DOCK5: variants seen among roughly 807,000 people sequenced by gnomAD.
DOCK5 encodes the protein dedicator of cytokinesis protein 5.
In DOCK5, 142 loss-of-function variants were observed where a neutral mutation model predicts 251.8. The observed-to-expected ratio is 0.56, with a 90% confidence interval of 0.49 to 0.65. DOCK5 has a LOEUF of 0.65. DOCK5 is among the 30% of genes least tolerant of loss of function. DOCK5 has a pLI of 0.00. For synonymous variants in DOCK5, 842 were observed against 835.5 expected (o/e 1.01, Z -0.13); for missense variants, 2,111 against 2,312.3 (o/e 0.91, Z 1.79).
intron 1 of DOCK5, among the ~76,000 whole-genome samples, chr8:25,236,912 G>A (rs1186384557): frequency 3.9e-5 from 6 of 152,052 alleles, no homozygotes; most frequent in Admixed American, 3.9e-4. Context: ...GTCATCTTTG[G>A]AATATTATGA....
At chr8:25,341,863 G>C (rs949422895) in intron 24 of DOCK5, 54 bp downstream of exon 24, 2 of 1,434,634 alleles carry the variant, frequency 1.4e-6, no homozygotes, top group African/African-American at 2.9e-5. Context: ...CAGCTCCCCT[G>C]CTTGGCTGGA....
At chr8:25,368,788 C>A (rs1800823053) in intron 33 of DOCK5, 63 bp downstream of exon 33, 3 of 1,495,522 alleles carry the variant, frequency 2.0e-6, no homozygotes, top group African/African-American at 1.4e-5. Context: ...TAACTCATTT[C>A]TTTCTATATA....
intron 1 of DOCK5, among the ~76,000 whole-genome samples, chr8:25,210,742 C>T (rs1023976422): frequency 1.4e-5 from 1 of 70,028 alleles, no homozygotes; most frequent in African/African-American, 3.2e-5. Context: ...CCAGCCTAGG[C>T]GACAGATCAA....
At chr8:25,408,280 TG>T in intron 49 of DOCK5, 126 bp downstream of exon 49, 1 of 1,050,010 alleles carries the variant, frequency 9.5e-7, no homozygotes, top group Non-Finnish European at 1.4e-6. Context: ...CTCAGCAGCC[TG>T]GGTTAGTGTC....
At chr8:25,199,834 G>A (rs949994365) in intron 1 of DOCK5, among the ~76,000 whole-genome samples, 92 of 113,278 alleles carry the variant, frequency 8.1e-4, no homozygotes, top group African/African-American at 4.7e-3. Flanking sequence ...AACCAGAGGT[G>A]CTGGTGCTGG....
At chr8:25,214,864 C>G (rs988871860) in intron 1 of DOCK5, among the ~76,000 whole-genome samples, 3 of 152,168 alleles carry the variant, frequency 2.0e-5, no homozygotes, top group African/African-American at 7.2e-5. Context: ...CACAGAGGAC[C>G]AGATGGGATG....
chr8:25,314,847 A>G (rs1805200571), intron 13 of DOCK5, among the ~76,000 whole-genome samples: 1 of 150,466 alleles, frequency 6.6e-6, no homozygotes, highest in Non-Finnish European at 1.5e-5. Flanking sequence ...ACTCACATAA[A>G]TTAGTAGATA....
chr8:25,247,547 A>T (rs1169388093), intron 2 of DOCK5, among the ~76,000 whole-genome samples: 1 of 151,906 alleles, frequency 6.6e-6, no homozygotes, highest in Admixed American at 6.6e-5. Flanking sequence ...CAGTGAGCTG[A>T]CTACACCACT....
At chr8:25,369,060 T>C (rs141233947) in intron 33 of DOCK5, among the ~76,000 whole-genome samples, 5 of 152,376 alleles carry the variant, frequency 3.3e-5, no homozygotes, top group African/African-American at 1.2e-4. Context: ...TCTATTATAG[T>C]ACGGCTGAAA....
intron 2 of DOCK5, among the ~76,000 whole-genome samples, chr8:25,261,561 T>C (rs1414904601): frequency 6.6e-6 from 1 of 152,210 alleles, no homozygotes. Context: ...GTGGTTACTT[T>C]ATAGAGTAAT....
At chr8:25,361,844 T>C (rs1277838564) in intron 28 of DOCK5, among the ~76,000 whole-genome samples, 1 of 152,154 alleles carries the variant, frequency 6.6e-6, no homozygotes, top group Non-Finnish European at 1.5e-5. Context: ...CAGAAAAATA[T>C]GGTTAGCAAT....
chr8:25,397,704 AT>A (rs1377762020), intron 45 of DOCK5, among the ~76,000 whole-genome samples: 6 of 152,140 alleles, frequency 3.9e-5, no homozygotes, highest in Non-Finnish European at 8.8e-5. Context: ...CCAAGTATTA[AT>A]TTTTACAGAA....
intron 1 of DOCK5, among the ~76,000 whole-genome samples, chr8:25,221,871 A>G (rs1175800512): frequency 6.6e-6 from 1 of 152,138 alleles, no homozygotes; most frequent in Non-Finnish European, 1.5e-5. Context: ...TGGAGCTGGG[A>G]CTTATATCCA....
intron 29 of DOCK5, among the ~76,000 whole-genome samples, chr8:25,364,274 A>G (rs1039006527): frequency 1.4e-4 from 21 of 152,212 alleles, no homozygotes; most frequent in Non-Finnish European, 1.9e-4. Context: ...TGTACAGATT[A>G]GATTTAAAAA....
At chr8:25,256,519 A>G (rs1476986052) in intron 2 of DOCK5, among the ~76,000 whole-genome samples, 1 of 151,808 alleles carries the variant, frequency 6.6e-6, no homozygotes, top group Non-Finnish European at 1.5e-5. Context: ...TGTGCCTGTA[A>G]TCCTAACTAC....
chr8:25,335,989 G>A lies in DOCK5; in HGVS notation c.2193-250G>A, dbSNP rs1032702349. Among the ~76,000 whole-genome samples the A allele has an allele frequency of 7.9e-5, 12 of 152,022 alleles. 1 individual carries two copies. Among genetic ancestry groups the A allele is most frequent in the Non-Finnish European group, 1.3e-4 (9 of 68,014 alleles). On this transcript the variant is annotated intron_variant, in intron 21 of 51. Coordinates refer to ENST00000276440, the MANE Select transcript of DOCK5 (RefSeq NM_024940.8). ...CAACCATTTCATTTCATAACCCTCC[G>A]GTTTAATCCCACAAAGGGAAAGAAA...
Position 25,363,066 on chromosome 8 carries a change from T to G in DOCK5, c.2969T>G (p.Phe990Cys). Residue 990 changes from phenylalanine (F) to cysteine (C), a missense_variant, in exon 29 of 52, where the codon TTT becomes TGT. Physicochemically the swap from Phe to Cys is radical, Grantham distance 205. This residue lies in a region of DOCK5 where 1,717 missense variants were observed against 1,892.4 expected (regional missense o/e 0.91). Transcript: ENST00000276440. Reference protein sequence around the residue: ...QDIIDFLMETFIMFKDLIGKN... With the variant: ...QDIIDFLMETCIMFKDLIGKN... ...CCGCAGGACTTCCTCATGGAAACTT[T>G]TATCATGTTCAAGGACCTGATTGGA... The G allele has an allele frequency of 6.2e-7, 1 of 1,614,004 alleles. No homozygotes were observed. Among genetic ancestry groups the G allele is most frequent in the Non-Finnish European group, 8.5e-7 (1 of 1,179,864 alleles).
At chr8:25,199,702 T>C (rs1353748232) in intron 1 of DOCK5, among the ~76,000 whole-genome samples, 1 of 152,202 alleles carries the variant, frequency 6.6e-6, no homozygotes, top group African/African-American at 2.4e-5. Context: ...TCTATTTTCT[T>C]TGCTGGGAGT....
rs1431906019 is a variant in DOCK5 at position 25,364,648 on chromosome 8, C to T, written c.3067C>T (p.Gln1023Ter). 1.2e-6 allele frequency: 2 copies of T among 1,601,342 alleles called. No homozygotes were observed. The highest frequency in any genetic ancestry group is 1.7e-5 in the Admixed American group (1 of 58,768). ...QNRVFLRAINQFAEVLTRFFM... is the reference protein window; with the variant it reads ...QNRVFLRAIN The stretch of plus-strand genomic sequence containing the variant: ...CAGGGTTTTTCTCCGTGCTATAAAT[C>T]AGTTTGCTGAAGTTCTCACAAGATT... Residue 1023 changes from glutamine to a stop codon, truncating the protein, a stop_gained, in exon 30 of 52, where the codon CAG (glutamine) becomes TAG (stop). Coordinates refer to ENST00000276440, the MANE Select transcript of DOCK5 (RefSeq NM_024940.8). LOFTEE classifies it high-confidence loss of function.
Sources: gnomAD v4.1 joint callset for allele counts (sites outside exome capture counted in the v4.1 genomes callset) on GRCh38, gnomAD v4.1.1 for gene constraint, gnomAD v4.1.1 regional missense constraint, MANE v1.5 for transcripts, NCBI Gene and HGNC (gene_info 2026-07-23, HGNC 2026-07-21) for gene names.